Variants in RAPGEF4 observed in about 807,000 individuals in gnomAD.
RAPGEF4 encodes Rap guanine nucleotide exchange factor 4.
A neutral mutation model predicts 147.9 loss-of-function variants in RAPGEF4; 66 were observed. The ratio of observed to expected loss-of-function variants is 0.45; its 90% confidence interval spans 0.37 to 0.55. The LOEUF (loss-of-function observed/expected upper bound fraction) is 0.55, where lower values mean the gene tolerates loss of function less well. Among genes scored for constraint, RAPGEF4 ranks in the 20% least tolerant of loss-of-function variants. The probability of loss-of-function intolerance (pLI) is 0.00; values close to 1 mark genes in which losing one functional copy is unlikely to be tolerated. For synonymous variants in RAPGEF4, 419 were observed against 442.7 expected (o/e 0.95, Z 0.67); for missense variants, 1,071 against 1,257.3 (o/e 0.85, Z 2.24).
intron 11 of RAPGEF4, 47 bp from the exon 12 acceptor site, chr2:172,985,386 A>G: frequency 6.2e-7 from 1 of 1,613,772 alleles, no homozygotes; most frequent in Non-Finnish European, 8.5e-7. Context: ...TTTTCCACCC[A>G]GACCTGGAAA....
intron 11 of RAPGEF4, 140 bp downstream of exon 11, chr2:172,983,720 T>G: frequency 7.1e-7 from 1 of 1,412,242 alleles, no homozygotes; most frequent in South Asian, 1.6e-5. Flanking sequence ...TCTTACGAGA[T>G]GCTGAGGAAG....
intron 12 of RAPGEF4, among the ~76,000 whole-genome samples, chr2:172,986,382 G>A (rs1042293203): frequency 6.6e-6 from 1 of 152,188 alleles, no homozygotes; most frequent in African/African-American, 2.4e-5. Flanking sequence ...CATTGTATGA[G>A]TCAAATAAGC....
rs13010326 is a variant in RAPGEF4 at position 172,789,353 on chromosome 2, G to C, written c.66-5672G>C. On this transcript the variant is annotated intron_variant, in intron 1 of 30. Transcript: ENST00000397081. ...TAAAAGCAAATTGGAGCTCCCACCCGGCCTCAAAAGGATTATACAAGGTGT... is the reference window on the plus strand; with the variant it reads ...TAAAAGCAAATTGGAGCTCCCACCCCGCCTCAAAAGGATTATACAAGGTGT... Among the ~76,000 whole-genome samples the C allele has an allele frequency of 2.9e-3, 439 of 152,080 alleles. 2 individuals are homozygous for C. Among genetic ancestry groups the C allele is most frequent in the African/African-American group, 9.9e-3 (410 of 41,466 alleles).
chr2:172,778,021 A>G (rs1311451444), intron 1 of RAPGEF4, among the ~76,000 whole-genome samples: 1 of 152,216 alleles, frequency 6.6e-6, no homozygotes, highest in Non-Finnish European at 1.5e-5. Flanking sequence ...TATATTAAAA[A>G]TCACAATTCT....
At chr2:172,902,437 G>A (rs1699170812) in intron 4 of RAPGEF4, among the ~76,000 whole-genome samples, 2 of 151,954 alleles carry the variant, frequency 1.3e-5, no homozygotes. Flanking sequence ...TGAGTAGCTG[G>A]GACTACAGGC....
At chr2:172,763,869 T>A (rs1696577687) in intron 1 of RAPGEF4, among the ~76,000 whole-genome samples, 1 of 152,202 alleles carries the variant, frequency 6.6e-6, no homozygotes, top group South Asian at 2.1e-4. Flanking sequence ...GTATACATAT[T>A]CATATTTCCT....
intron 1 of RAPGEF4, among the ~76,000 whole-genome samples, chr2:172,748,813 G>T (rs545722693): frequency 6.6e-6 from 1 of 152,198 alleles, no homozygotes; most frequent in East Asian, 1.9e-4. Context: ...AAAATCAAAA[G>T]CAAGTTAGTT....
chr2:172,885,883 C>T (rs1697154160), intron 4 of RAPGEF4, among the ~76,000 whole-genome samples: 1 of 152,126 alleles, frequency 6.6e-6, no homozygotes, highest in Non-Finnish European at 1.5e-5. Context: ...TTCATGGTTT[C>T]CTCTTGCCTA....
chr2:172,999,549 G>T (rs1354968689), intron 16 of RAPGEF4, among the ~76,000 whole-genome samples: 1 of 152,112 alleles, frequency 6.6e-6, no homozygotes, highest in Non-Finnish European at 1.5e-5. Context: ...AGACCTATTA[G>T]TTCTTATATT....
chr2:172,749,880 C>T (rs1217995570), intron 1 of RAPGEF4, among the ~76,000 whole-genome samples: 4 of 152,166 alleles, frequency 2.6e-5, no homozygotes, highest in Middle Eastern at 3.2e-3. Context: ...CCTAAATCAT[C>T]CCCCTCAAAT....
chr2:172,809,212 C>T (rs1382439686), intron 3 of RAPGEF4, among the ~76,000 whole-genome samples: 1 of 152,102 alleles, frequency 6.6e-6, no homozygotes, highest in Admixed American at 6.6e-5. Flanking sequence ...TGGGGAGGGG[C>T]CAAGGCTGGT....
At chr2:172,958,538 T>C (rs901643489) in intron 6 of RAPGEF4, among the ~76,000 whole-genome samples, 10 of 152,178 alleles carry the variant, frequency 6.6e-5, no homozygotes, top group African/African-American at 2.4e-4. Flanking sequence ...GAGCTCATAG[T>C]CTCTCTCCAT....
At chr2:172,918,124 C>A in intron 5 of RAPGEF4, 1 of 642,034 alleles carries the variant, frequency 1.6e-6, no homozygotes, top group Admixed American at 2.3e-5. Context: ...GCATAGAATA[C>A]TTTCCCAAAA....
intron 3 of RAPGEF4, among the ~76,000 whole-genome samples, chr2:172,812,559 G>A (rs954841673): frequency 1.8e-4 from 28 of 152,272 alleles, no homozygotes; most frequent in Admixed American, 3.3e-4. Flanking sequence ...CAAACTACTC[G>A]TGTCAGGGAT....
At chr2:172,874,918 A>G (rs62174584) in intron 4 of RAPGEF4, among the ~76,000 whole-genome samples, 3 of 152,062 alleles carry the variant, frequency 2.0e-5, no homozygotes, top group African/African-American at 4.8e-5. Flanking sequence ...GTTGTTTCCT[A>G]ACTTTTTAAT....
At chr2:172,879,423 T>C (rs1267508214) in intron 4 of RAPGEF4, among the ~76,000 whole-genome samples, 1 of 152,212 alleles carries the variant, frequency 6.6e-6, no homozygotes, top group Non-Finnish European at 1.5e-5. Flanking sequence ...TAATACTATA[T>C]ACCAAACCGT....
chr2:172,875,055 G>T (rs1695729491), intron 4 of RAPGEF4, among the ~76,000 whole-genome samples: 1 of 152,348 alleles, frequency 6.6e-6, no homozygotes, highest in Non-Finnish European at 1.5e-5. Flanking sequence ...CTTTTGAGAA[G>T]TGTCTGTTCA....
intron 4 of RAPGEF4, among the ~76,000 whole-genome samples, chr2:172,906,964 A>G (rs1378610979): frequency 6.6e-6 from 1 of 152,126 alleles, no homozygotes; most frequent in East Asian, 1.9e-4. Context: ...CCATATGGAG[A>G]CTTCGTGCAC....
At chr2:172,858,349 T>G (rs1334673438) in intron 4 of RAPGEF4, among the ~76,000 whole-genome samples, 1 of 152,234 alleles carries the variant, frequency 6.6e-6, no homozygotes, top group African/African-American at 2.4e-5. Context: ...TAAGCTGATT[T>G]GTAGAGTAGT....
Sources: allele counts gnomAD v4.1 joint callset (sites outside exome capture counted in the v4.1 genomes callset), GRCh38; gene constraint gnomAD v4.1.1; transcripts MANE v1.5; gene names NCBI Gene and HGNC (gene_info 2026-07-23, HGNC 2026-07-21).